The following MSI2 variants were observed in gnomAD, a reference collection of about 807,000 sequenced individuals.
MSI2 encodes musashi RNA binding protein 2, also known as RNA-binding protein Musashi homolog 2.
MSI2 carries 17 observed loss-of-function variants against 45.6 expected under a neutral mutation model. That is an observed-to-expected ratio of 0.37 (90% confidence interval 0.26 to 0.56). MSI2 has a LOEUF of 0.56. MSI2 is among the 20% of genes least tolerant of loss of function. MSI2 has a pLI of 0.77. For synonymous variants in MSI2, 156 were observed against 158.2 expected (o/e 0.99, Z 0.11); for missense variants, 293 against 444.2 (o/e 0.66, Z 3.06).
chr17:57,454,779 A>C, intron 6 of MSI2, among the ~76,000 whole-genome samples: 1 of 152,130 alleles, frequency 6.6e-6, no homozygotes. Flanking sequence ...GTCCTTTGCC[A>C]TGGACTAGAG....
chr17:57,435,290 T>C (rs2143416712), intron 6 of MSI2, among the ~76,000 whole-genome samples: 1 of 152,182 alleles, frequency 6.6e-6, no homozygotes, highest in East Asian at 1.9e-4. Context: ...GCAAAGGCCC[T>C]GTGACGGGAC....
chr17:57,382,784 A>G lies in MSI2; in HGVS notation c.313-18595A>G, dbSNP rs141135766. On this transcript the variant is annotated intron_variant, in intron 5 of 13. Transcript: ENST00000284073. ...GCTCAGAAATTGTGTTTATTAAAGG[A>G]CAGTTAAAACTAAGCCAAATGTCTT... is the stretch of plus-strand genomic sequence containing the variant. Among the ~76,000 whole-genome samples the G allele has an allele frequency of 9.4e-3, 1,431 of 152,352 alleles. 19 individuals are homozygous for G. Among genetic ancestry groups the G allele is most frequent in the African/African-American group, 0.033 (1,362 of 41,568 alleles).
In MSI2 at chr17:57,256,720, TG is replaced by T. The variant is rs1453466182; in HGVS notation, c.-16del. On this transcript the variant is annotated 5_prime_UTR_variant, in exon 1 of 14. Coordinates refer to ENST00000284073, the MANE Select transcript of MSI2 (RefSeq NM_138962.4). ...GCTGTGGGGCTTGGTTTTTTGGGGGTGGGGGGGCGGGGGGGCTCAGATATGG... is the reference window on the plus strand; with the variant it reads ...GCTGTGGGGCTTGGTTTTTTGGGGGTGGGGGGCGGGGGGGCTCAGATATGG... 118 of 408,396 alleles carry T rather than the reference TG, an allele frequency of 2.9e-4. No individual in the cohort carries two copies. In the African/African-American group the frequency reaches 7.7e-3, roughly 27 times the overall value. 25.3% of individuals were successfully genotyped at this position (408,396 alleles called of 1,614,324 possible).
At chr17:57,316,322 C>CTT (rs35543887) in intron 5 of MSI2, among the ~76,000 whole-genome samples, 13,179 of 140,222 alleles carry the variant, frequency 0.094, 810 homozygotes, top group Non-Finnish European at 0.14. Flanking sequence ...GTTATTGCTA[C>CTT]TTTTTTTTTT....
rs894727553 is a variant in MSI2 at position 57,454,430 on chromosome 17, TTC to T, written c.405+52963_405+52964del. ...CTTTCCTCTCTCTCTCTTTTTCTTT[TTC>T]TCTTTCTTTTTTTTTTTTTTTTTGA... is the stretch of plus-strand genomic sequence containing the variant. On this transcript the variant is annotated intron_variant, in intron 6 of 13. Transcript: ENST00000284073. Among the ~76,000 whole-genome samples, 13 of 149,034 alleles carry T rather than the reference TTC, an allele frequency of 8.7e-5. No homozygotes were observed. In the South Asian group the frequency reaches 1.1e-3, roughly 12 times the overall value.
In MSI2 at chr17:57,545,404, ACGTG is replaced by A. The variant is rs557974932; in HGVS notation, c.454+15682_454+15685del. On this transcript the variant is annotated intron_variant, in intron 7 of 13. Coordinates refer to ENST00000284073, the MANE Select transcript of MSI2 (RefSeq NM_138962.4). The stretch of plus-strand genomic sequence containing the variant: ...AGCTACCATATTTATAGCTAGGAGC[ACGTG>A]CCCTTCTCAACTCCAGACATCCCCA... Among the ~76,000 whole-genome samples, 810 of 152,334 alleles carry A rather than the reference ACGTG, an allele frequency of 5.3e-3. 3 individuals are homozygous for A. Among genetic ancestry groups the A allele is most frequent in the Middle Eastern group, 0.02 (6 of 294 alleles).
chr17:57,372,537 G>C (rs1385025411), intron 5 of MSI2, among the ~76,000 whole-genome samples: 1 of 152,168 alleles, frequency 6.6e-6, no homozygotes, highest in Non-Finnish European at 1.5e-5. Context: ...TCAACATATT[G>C]ATATGTTTTC....
At chr17:57,699,276 G>GGAGAGA in the MSI2 span, among the ~76,000 whole-genome samples, 5,762 of 135,834 alleles carry the variant, frequency 0.042, 371 homozygotes, top group African/African-American at 0.11. Flanking sequence ...GAAGAGCCAG[G>GGAGAGA]GAGAGAGAGA....
intron 5 of MSI2, among the ~76,000 whole-genome samples, chr17:57,369,563 C>T (rs2083391217): frequency 6.6e-6 from 1 of 152,228 alleles, no homozygotes; most frequent in Non-Finnish European, 1.5e-5. Flanking sequence ...CACACACTTT[C>T]TCAGCTGCTC....
At chr17:57,308,037 A>G (rs1428199304) in intron 5 of MSI2, among the ~76,000 whole-genome samples, 1 of 152,180 alleles carries the variant, frequency 6.6e-6, no homozygotes, top group African/African-American at 2.4e-5. Flanking sequence ...ATCTGTACTC[A>G]CTGAGAGGCA....
At chr17:57,359,362 A>C (rs1476251840) in intron 5 of MSI2, among the ~76,000 whole-genome samples, 1 of 152,212 alleles carries the variant, frequency 6.6e-6, no homozygotes, top group African/African-American at 2.4e-5. Flanking sequence ...GAATAGGGTG[A>C]TTGATAGTTA....
Position 57,558,223 on chromosome 17 carries a change from A to C in MSI2, c.454+28499A>C, listed in dbSNP as rs1039973968. On this transcript the variant is annotated intron_variant, in intron 7 of 13. Coordinates refer to ENST00000284073, the MANE Select transcript of MSI2 (RefSeq NM_138962.4). ...ATTAGGCGCCTCTGTAATTGCACCT[A>C]TTCAGCACTGCCATTTCTAGTCACC... Among the ~76,000 whole-genome samples the C allele has an allele frequency of 4.6e-5, 7 of 152,296 alleles. 1 individual carries two copies. The highest frequency in any genetic ancestry group is 3.9e-4 in the Admixed American group (6 of 15,294).
At chr17:57,420,068 G>T (rs2084367486) in intron 6 of MSI2, among the ~76,000 whole-genome samples, 1 of 152,212 alleles carries the variant, frequency 6.6e-6, no homozygotes, top group South Asian at 2.1e-4. Context: ...CTTGTAAGGA[G>T]ATCACCAGTG....
At chr17:57,639,477 C>G (rs1567953562) in intron 10 of MSI2, among the ~76,000 whole-genome samples, 1 of 152,226 alleles carries the variant, frequency 6.6e-6, no homozygotes, top group African/African-American at 2.4e-5. Flanking sequence ...CGGACACATG[C>G]TTTGTGAGCC....
intron 6 of MSI2, among the ~76,000 whole-genome samples, chr17:57,451,890 T>C (rs2085026005): frequency 6.6e-6 from 1 of 152,198 alleles, no homozygotes; most frequent in Non-Finnish European, 1.5e-5. Context: ...GGGTACAATC[T>C]GTCACCCTCA....
chr17:57,321,962 A>G (rs962808769), intron 5 of MSI2, among the ~76,000 whole-genome samples: 2 of 151,886 alleles, frequency 1.3e-5, no homozygotes, highest in African/African-American at 4.8e-5. Flanking sequence ...ATGCCCGGCT[A>G]GTTTTTGTAT....
At chr17:57,410,495 C>G (rs4794732) in intron 6 of MSI2, among the ~76,000 whole-genome samples, 69,930 of 151,014 alleles carry the variant, frequency 0.46, 17,549 homozygotes, top group East Asian at 0.61. Flanking sequence ...TTCTATTTGG[C>G]GATTATTTCT....
intron 5 of MSI2, among the ~76,000 whole-genome samples, chr17:57,296,962 C>T (rs1258636190): frequency 2.0e-5 from 3 of 152,176 alleles, no homozygotes; most frequent in Non-Finnish European, 4.4e-5. Context: ...GCAAGCTCTG[C>T]CTCCTGGGTT....
intron 6 of MSI2, among the ~76,000 whole-genome samples, chr17:57,435,664 C>T (rs984701423): frequency 6.6e-6 from 1 of 152,124 alleles, no homozygotes; most frequent in South Asian, 2.1e-4. Flanking sequence ...ATTAGAAAAT[C>T]GTTTCTGCAC....
Sources: allele counts gnomAD v4.1 joint callset (sites outside exome capture counted in the v4.1 genomes callset), GRCh38; gene constraint gnomAD v4.1.1; transcripts MANE v1.5; gene names NCBI Gene and HGNC (gene_info 2026-07-23, HGNC 2026-07-21).